PRKG1: variants seen among roughly 807,000 people sequenced by gnomAD.
PRKG1 encodes the protein protein kinase cGMP-dependent 1.
PRKG1 carries 35 observed loss-of-function variants against 88.1 expected under a neutral mutation model. The observed-to-expected ratio is 0.40, with a 90% CI of 0.30 to 0.53. PRKG1 has a LOEUF of 0.53. Among genes scored for constraint, PRKG1 ranks in the 20% least tolerant of loss-of-function variants. PRKG1 has a pLI of 0.59. For missense variants in PRKG1, 540 were observed against 839.8 expected, an observed-to-expected ratio of 0.64 and a Z score of 4.41; for synonymous variants, 303 against 292.5, an observed-to-expected ratio of 1.04 and a Z score of -0.37.
At chr10:51,940,036 G>T (rs1449096674) in intron 5 of PRKG1, among the ~76,000 whole-genome samples, 5 of 151,770 alleles carry the variant, frequency 3.3e-5, no homozygotes, top group African/African-American at 4.8e-5. Context: ...AATTTCTATA[G>T]CCTTATAGCT....
At chr10:51,912,718 A>C (rs1842246148) in intron 5 of PRKG1, among the ~76,000 whole-genome samples, 1 of 152,102 alleles carries the variant, frequency 6.6e-6, no homozygotes, top group South Asian at 2.1e-4. Context: ...AAAATGAAAA[A>C]ATTAAAATAA....
At chr10:51,851,950 C>T (rs187624772) in intron 4 of PRKG1, among the ~76,000 whole-genome samples, 167 of 152,078 alleles carry the variant, frequency 1.1e-3, no homozygotes, top group African/African-American at 3.4e-3. Flanking sequence ...TAGTGATGCT[C>T]GCCATGGTCA....
intron 2 of PRKG1, among the ~76,000 whole-genome samples, chr10:51,433,900 C>G (rs1481091726): frequency 1.3e-5 from 2 of 152,078 alleles, no homozygotes; most frequent in African/African-American, 2.4e-5. Context: ...GAAGTCTCAT[C>G]CATCATTTCT....
intron 3 of PRKG1, among the ~76,000 whole-genome samples, chr10:51,531,077 A>C (rs984989574): frequency 1.3e-5 from 2 of 152,200 alleles, no homozygotes; most frequent in Non-Finnish European, 2.9e-5. Context: ...TTAATAGCAC[A>C]AAATTGAAAC....
chr10:52,272,996 C>T (rs926520853), intron 12 of PRKG1, among the ~76,000 whole-genome samples: 1 of 151,848 alleles, frequency 6.6e-6, no homozygotes, highest in African/African-American at 2.4e-5. Context: ...TATCCCTTGG[C>T]TAGTCTTAGG....
chr10:51,062,057 G>T (rs1045705130), intron 1 of PRKG1, among the ~76,000 whole-genome samples: 13 of 152,186 alleles, frequency 8.5e-5, no homozygotes, highest in Non-Finnish European at 1.5e-4. Flanking sequence ...GAGAGAGTAT[G>T]ATACTCTGGA....
intron 9 of PRKG1, among the ~76,000 whole-genome samples, chr10:52,214,744 A>T (rs1318232068): frequency 6.6e-6 from 1 of 152,082 alleles, no homozygotes; most frequent in African/African-American, 2.4e-5. Context: ...ATGCCCCCCA[A>T]AGGAATTCCA....
rs1295012234 is a variant in PRKG1 at position 51,790,196 on chromosome 10, T to C, written c.593-14389T>C. Among the ~76,000 whole-genome samples the C allele has an allele frequency of 2.0e-5, 3 of 152,198 alleles. No individual in the cohort carries two copies. The East Asian group carries it at 5.8e-4, about 29-fold the overall frequency. The stretch of plus-strand genomic sequence containing the variant: ...TGGATGCAATTTACCAGAATGCTTC[T>C]TTTATTCCTCAGAGCTAGTGAGCCA... On this transcript the variant is annotated intron_variant, in intron 3 of 17. Transcript: ENST00000373980.
chr10:52,028,513 C>T (rs1008473274), intron 5 of PRKG1, among the ~76,000 whole-genome samples: 1 of 152,142 alleles, frequency 6.6e-6, no homozygotes, highest in African/African-American at 2.4e-5. Context: ...CAGTGTATCC[C>T]CTCAAGCATA....
intron 3 of PRKG1, among the ~76,000 whole-genome samples, chr10:51,692,235 A>T (rs10998931): frequency 0.18 from 26,006 of 142,302 alleles, 3,443 homozygotes; most frequent in African/African-American, 0.4. Flanking sequence ...TGGCCTTTTT[A>T]AAAAAAAAAA....
At chr10:51,431,377 A>G (rs1412231612) in intron 2 of PRKG1, among the ~76,000 whole-genome samples, 1 of 152,206 alleles carries the variant, frequency 6.6e-6, no homozygotes, top group Admixed American at 6.5e-5. Context: ...GGGAAGGGGT[A>G]GGAGTTTCCA....
intron 2 of PRKG1, among the ~76,000 whole-genome samples, chr10:51,389,769 T>C (rs775250615): frequency 7.9e-5 from 12 of 152,140 alleles, no homozygotes; most frequent in Non-Finnish European, 1.3e-4. Context: ...GAGTAATACA[T>C]AAAATGATAA....
chr10:51,206,235 T>TA (rs1838056054), intron 2 of PRKG1, among the ~76,000 whole-genome samples: 2 of 152,096 alleles, frequency 1.3e-5, no homozygotes, highest in South Asian at 4.2e-4. Flanking sequence ...TTCACGGCTG[T>TA]AATCCCAGCA....
In PRKG1 at chr10:51,317,750, C is replaced by G. The variant is rs544192881; in HGVS notation, c.479-149973C>G. ...TGTCACCATGCTCTCAACAGCAGTT[C>G]CCTGTTACTTAACAATCCATCAGTG... On this transcript the variant is annotated intron_variant, in intron 2 of 17. Coordinates refer to ENST00000373980, the MANE Select transcript of PRKG1 (RefSeq NM_006258.4). 1.2e-3 allele frequency among the ~76,000 whole-genome samples: 190 copies of G among 152,290 alleles called. 2 individuals carry two copies. Among genetic ancestry groups the G allele is most frequent in the African/African-American group, 4.4e-3 (183 of 41,578 alleles).
chr10:51,707,967 T>C (rs1055514462), intron 3 of PRKG1, among the ~76,000 whole-genome samples: 2 of 152,218 alleles, frequency 1.3e-5, no homozygotes, highest in African/African-American at 4.8e-5. Context: ...CATTTTATGG[T>C]ACACGTACAG....
intron 3 of PRKG1, among the ~76,000 whole-genome samples, chr10:51,584,477 G>C (rs1015854143): frequency 1.3e-5 from 2 of 151,870 alleles, no homozygotes; most frequent in Admixed American, 6.6e-5. Flanking sequence ...AAATTCTCAG[G>C]GTAGTTGATA....
At chr10:51,380,941 G>A (rs1837073481) in intron 2 of PRKG1, among the ~76,000 whole-genome samples, 1 of 152,054 alleles carries the variant, frequency 6.6e-6, no homozygotes, top group African/African-American at 2.4e-5. Flanking sequence ...ACTGCCCTGG[G>A]TGTGCCTGCC....
At chr10:51,183,131 A>G (rs1042867840) in intron 2 of PRKG1, among the ~76,000 whole-genome samples, 2 of 152,320 alleles carry the variant, frequency 1.3e-5, no homozygotes, top group South Asian at 4.1e-4. Flanking sequence ...TGGTAGAAAT[A>G]TTCAAGTTAT....
intron 3 of PRKG1, among the ~76,000 whole-genome samples, chr10:51,629,824 T>C (rs1171222961): frequency 6.6e-6 from 1 of 152,158 alleles, no homozygotes; most frequent in Non-Finnish European, 1.5e-5. Flanking sequence ...ATACTCAAAC[T>C]CTTTGAAAGC....
Sources: gnomAD v4.1 joint callset for allele counts (sites outside exome capture counted in the v4.1 genomes callset) on GRCh38, gnomAD v4.1.1 for gene constraint, MANE v1.5 for transcripts, NCBI Gene and HGNC (gene_info 2026-07-23, HGNC 2026-07-21) for gene names.